Variants in OXCT1 observed in about 807,000 individuals in gnomAD.
OXCT1 encodes succinyl-CoA:3-ketoacid coenzyme A transferase 1, mitochondrial.
Under a neutral mutation model 69.6 loss-of-function variants are expected in OXCT1, and 27 were observed. The ratio of observed to expected loss-of-function variants is 0.39; its 90% CI spans 0.29 to 0.54. The LOEUF is 0.54. Among genes scored for constraint, OXCT1 ranks in the 20% least tolerant of loss-of-function variants. The pLI, the probability that OXCT1 is intolerant of heterozygous loss-of-function variation, is 0.72. For synonymous variants in OXCT1, 202 were observed against 217.8 expected (o/e 0.93, Z 0.64); for missense variants, 437 against 650.2 (o/e 0.67, Z 3.57).
intron 1 of OXCT1, among the ~76,000 whole-genome samples, chr5:41,869,342 G>A (rs1009339934): frequency 6.6e-6 from 1 of 152,224 alleles, no homozygotes; most frequent in Admixed American, 6.5e-5. Context: ...CCAAGGAAGA[G>A]GCTCCCGCGA....
intron 13 of OXCT1, among the ~76,000 whole-genome samples, chr5:41,783,079 G>A (rs931535953): frequency 3.9e-5 from 6 of 152,170 alleles, no homozygotes; most frequent in East Asian, 1.9e-4. Flanking sequence ...AGATAATGCC[G>A]AAATGTTTAT....
intron 16 of OXCT1, among the ~76,000 whole-genome samples, 154 bp downstream of exon 16, chr5:41,739,236 C>T (rs1270371843): frequency 6.6e-6 from 1 of 152,170 alleles, no homozygotes; most frequent in East Asian, 1.9e-4. Flanking sequence ...TTCCCACCTG[C>T]TCTCATCTAG....
At chr5:41,734,381 C>A (rs1397839517) in intron 16 of OXCT1, among the ~76,000 whole-genome samples, 2 of 152,080 alleles carry the variant, frequency 1.3e-5, no homozygotes, top group Non-Finnish European at 2.9e-5. Flanking sequence ...TATAAAAACA[C>A]CTATTTTACA....
Position 41,853,406 on chromosome 5 carries a change from C to G in OXCT1, c.414+13G>C. The G allele has an allele frequency of 1.9e-6, 3 of 1,611,990 alleles. No homozygotes were observed. Among genetic ancestry groups the G allele is most frequent in the Non-Finnish European group, 2.5e-6 (3 of 1,178,326 alleles). ...GTAAGTTAGTATTATAAAAGAAAAG[C>G]AAATTTTCTCACCTGTGGTGTCAGC... On this transcript the variant is annotated intron_variant, in intron 4 of 16. Coordinates refer to ENST00000196371, the MANE Select transcript of OXCT1 (RefSeq NM_000436.4).
At chr5:41,804,625 G>A (rs1320213770) in intron 9 of OXCT1, among the ~76,000 whole-genome samples, 1 of 152,046 alleles carries the variant, frequency 6.6e-6, no homozygotes, top group Non-Finnish European at 1.5e-5. Context: ...AGAACTGGAA[G>A]AGCAGCAACA....
At chr5:41,853,748 C>T in intron 3 of OXCT1, 194 bp from the exon 4 acceptor site, 1 of 694,442 alleles carries the variant, frequency 1.4e-6, no homozygotes, top group East Asian at 2.8e-5. Context: ...GTTGAGGAAA[C>T]TAAAAGTCAA....
At chr5:41,836,630 G>T (rs184881224) in intron 7 of OXCT1, among the ~76,000 whole-genome samples, 1 of 152,090 alleles carries the variant, frequency 6.6e-6, no homozygotes, top group Non-Finnish European at 1.5e-5. Context: ...ATCATCAGGC[G>T]TTAGTTAGAT....
chr5:41,794,967 A>G (rs1746109274), intron 11 of OXCT1, among the ~76,000 whole-genome samples: 2 of 152,218 alleles, frequency 1.3e-5, no homozygotes, highest in Admixed American at 1.3e-4. Context: ...GATAATGAAA[A>G]GCAGACCACT....
intron 16 of OXCT1, among the ~76,000 whole-genome samples, chr5:41,737,631 A>C (rs189820134): frequency 1.1e-4 from 16 of 152,372 alleles, no homozygotes; most frequent in African/African-American, 3.6e-4. Context: ...TGTGCTTTTC[A>C]TGAAAGGTAT....
intron 7 of OXCT1, among the ~76,000 whole-genome samples, chr5:41,836,068 A>G (rs1158086187): frequency 6.6e-6 from 1 of 152,220 alleles, no homozygotes; most frequent in Non-Finnish European, 1.5e-5. Flanking sequence ...TCCTCCTGAG[A>G]AACAGCCAAA....
At chr5:41,819,523 A>G (rs1460368925) in intron 7 of OXCT1, among the ~76,000 whole-genome samples, 1 of 152,048 alleles carries the variant, frequency 6.6e-6, no homozygotes, top group Non-Finnish European at 1.5e-5. Context: ...GGCATGCGCC[A>G]CCACACCAAC....
chr5:41,811,564 T>G (rs1412285821), intron 7 of OXCT1, among the ~76,000 whole-genome samples: 3 of 152,028 alleles, frequency 2.0e-5, no homozygotes, highest in African/African-American at 7.2e-5. Context: ...GAATATATTC[T>G]TAGGCTTCAT....
chr5:41,745,265 C>T (rs1314334492), intron 15 of OXCT1, among the ~76,000 whole-genome samples: 2 of 152,008 alleles, frequency 1.3e-5, no homozygotes, highest in Non-Finnish European at 2.9e-5. Context: ...AACCACTCAA[C>T]TACATGGAAA....
intron 13 of OXCT1, among the ~76,000 whole-genome samples, chr5:41,783,858 T>C (rs1745527149): frequency 6.6e-6 from 1 of 152,150 alleles, no homozygotes; most frequent in African/African-American, 2.4e-5. Context: ...AAATATATCA[T>C]ATGAAGCACA....
At chr5:41,748,926 A>G (rs1030511921) in intron 15 of OXCT1, among the ~76,000 whole-genome samples, 5 of 152,082 alleles carry the variant, frequency 3.3e-5, no homozygotes, top group Non-Finnish European at 5.9e-5. Context: ...AAGGGTGATG[A>G]CAGACAGCTG....
chr5:41,787,535 G>T (rs1745697919), intron 13 of OXCT1, among the ~76,000 whole-genome samples: 1 of 146,718 alleles, frequency 6.8e-6, no homozygotes, highest in African/African-American at 2.5e-5. Flanking sequence ...CAGATTTGCA[G>T]AGGAAGAAGG....
In OXCT1 at chr5:41,870,173, TC is replaced by T; in HGVS notation, c.78+107del. ...AGGGCACCGCGCCACGGATGCCAGATCCCAGGCTGGAGAGAGCGGGTAGGGG... is the reference window on the plus strand; with the variant it reads ...AGGGCACCGCGCCACGGATGCCAGATCCAGGCTGGAGAGAGCGGGTAGGGG... On this transcript the variant is annotated intron_variant, in intron 1 of 16. Coordinates refer to ENST00000196371, the MANE Select transcript of OXCT1 (RefSeq NM_000436.4). The surrounding 1 kb of genome is among the most constrained non-coding windows in gnomAD (Gnocchi z 4.2). 2.2e-6 allele frequency: 2 copies of T among 900,860 alleles called. No homozygotes were observed. The highest frequency in any genetic ancestry group is 3.6e-6 in the Non-Finnish European group (2 of 550,992). The allele number at this position is 900,860 out of a possible 1,614,324, so 55.8% of individuals were successfully genotyped here.
chr5:41,738,821 T>A (rs537794259), intron 16 of OXCT1, among the ~76,000 whole-genome samples: 22 of 152,348 alleles, frequency 1.4e-4, no homozygotes, highest in African/African-American at 4.1e-4. Context: ...AAACGGATAC[T>A]CCCCTGACGT....
chr5:41,857,048 G>A (rs1310471878), intron 3 of OXCT1, among the ~76,000 whole-genome samples: 3 of 152,070 alleles, frequency 2.0e-5, no homozygotes, highest in Non-Finnish European at 4.4e-5. Flanking sequence ...CTAACGCAGC[G>A]ATCTTTGACT....
Sources: allele counts gnomAD v4.1 joint callset (sites outside exome capture counted in the v4.1 genomes callset), GRCh38; gene constraint gnomAD v4.1.1; non-coding constraint Gnocchi (gnomAD v3.1); transcripts MANE v1.5; gene names NCBI Gene and HGNC (gene_info 2026-07-23, HGNC 2026-07-21).